Variants in FRMPD1 observed in about 807,000 individuals in gnomAD.
FRMPD1 encodes the protein FERM and PDZ domain-containing protein 1.
A neutral mutation model predicts 117.8 loss-of-function variants in FRMPD1; 76 were observed. That is an observed-to-expected ratio of 0.65 (90% confidence interval 0.54 to 0.78). The LOEUF is 0.78. Ranked by LOEUF, FRMPD1 falls within the 30% of genes least tolerant of loss-of-function variation. The pLI is 0.00. For synonymous variants in FRMPD1, 783 were observed against 770.4 expected (o/e 1.02, Z -0.27); for missense variants, 1,786 against 1,964.5 (o/e 0.91, Z 1.72).
rs761226834 is a variant in FRMPD1, at chr9:37,711,409, T to C, written c.408+14T>C. The C allele has an allele frequency of 1.3e-6, 2 of 1,583,972 alleles. No homozygotes were observed. The highest frequency in any genetic ancestry group is 1.1e-5 in the South Asian group (1 of 90,468). On this transcript the variant is annotated intron_variant, in intron 5 of 15. Coordinates refer to ENST00000377765, the MANE Select transcript of FRMPD1 (RefSeq NM_014907.3). ...CGCTGCACGTCGGTAAATCTCTTTC[T>C]ATGTCCTGTGTGTTAGTTTCACCAT...
At chr9:37,617,735 T>G in the FRMPD1 span, among the ~76,000 whole-genome samples, 1 of 152,206 alleles carries the variant, frequency 6.6e-6, no homozygotes, top group African/African-American at 2.4e-5. Flanking sequence ...TCCCTACTGA[T>G]GTAATTATCA....
chr9:37,708,033 G>T (rs577630021), intron 3 of FRMPD1, among the ~76,000 whole-genome samples: 1 of 152,350 alleles, frequency 6.6e-6, no homozygotes, highest in Admixed American at 6.5e-5. Flanking sequence ...TAATTGAGGT[G>T]TGTTAATCTG....
the FRMPD1 span, among the ~76,000 whole-genome samples, chr9:37,637,955 T>C: frequency 8.0e-6 from 1 of 124,470 alleles, no homozygotes; most frequent in Admixed American, 8.4e-5. Flanking sequence ...CAAAGGAAAA[T>C]GGTGTATGCT....
the FRMPD1 span, among the ~76,000 whole-genome samples, chr9:37,607,186 G>A: frequency 6.6e-6 from 1 of 151,992 alleles, no homozygotes; most frequent in South Asian, 2.1e-4. Context: ...ATGGTGGCTC[G>A]TGCCTGTAAT....
At chr9:37,712,604 C>T (rs965826568) in intron 5 of FRMPD1, among the ~76,000 whole-genome samples, 5 of 152,198 alleles carry the variant, frequency 3.3e-5, no homozygotes, top group Non-Finnish European at 7.4e-5. Context: ...GATCCACCTG[C>T]CTCGGCTTCC....
At chr9:37,736,254 G>A (rs891478983) in intron 13 of FRMPD1, among the ~76,000 whole-genome samples, 4 of 151,824 alleles carry the variant, frequency 2.6e-5, no homozygotes, top group Non-Finnish European at 2.9e-5. Flanking sequence ...ACCCGCCTTG[G>A]CCTCCCAAAG....
rs534756323 is a variant in FRMPD1, at chr9:37,694,286, A to G, written c.101+1544A>G. On this transcript the variant is annotated intron_variant, in intron 2 of 15. Transcript: ENST00000377765. Reference sequence around the variant, plus strand: ...GCCTTCCCCGACTTGGTGATTTATTATACACATTATGCATGTAATACAGAT... The same window carrying G: ...GCCTTCCCCGACTTGGTGATTTATTGTACACATTATGCATGTAATACAGAT... Among the ~76,000 whole-genome samples the G allele has an allele frequency of 6.6e-5, 10 of 152,326 alleles. No individual in the cohort carries two copies. The South Asian group carries it at 2.1e-3, about 32-fold the overall frequency.
At chr9:37,665,787 C>T (rs555047619) in intron 1 of FRMPD1, among the ~76,000 whole-genome samples, 29 of 152,244 alleles carry the variant, frequency 1.9e-4, no homozygotes, top group African/African-American at 6.0e-4. Flanking sequence ...TCTTTGGCAA[C>T]GTTGGGGTGG....
At chr9:37,705,546 C>G (rs1447856943) in intron 2 of FRMPD1, among the ~76,000 whole-genome samples, 5 of 152,208 alleles carry the variant, frequency 3.3e-5, no homozygotes, top group Non-Finnish European at 7.3e-5. Flanking sequence ...ATTAGCTAGC[C>G]TCAGCTTCCC....
At chr9:37,654,811 C>A (rs1415299896) in intron 1 of FRMPD1, among the ~76,000 whole-genome samples, 1 of 152,184 alleles carries the variant, frequency 6.6e-6, no homozygotes, top group African/African-American at 2.4e-5. Context: ...AGGCTCTCTG[C>A]CCCTTCAATA....
At chr9:37,710,322 A>G (rs1427282123) in intron 4 of FRMPD1, among the ~76,000 whole-genome samples, 3 of 152,208 alleles carry the variant, frequency 2.0e-5, no homozygotes, top group Non-Finnish European at 2.9e-5. Flanking sequence ...AAGAAGTCAA[A>G]TGAAATTATT....
At chr9:37,680,223 G>A (rs930348830) in intron 1 of FRMPD1, among the ~76,000 whole-genome samples, 4 of 152,288 alleles carry the variant, frequency 2.6e-5, no homozygotes, top group Non-Finnish European at 5.9e-5. Context: ...CTTTCTAAGA[G>A]ATGTCTAATC....
At chr9:37,639,134 A>G in the FRMPD1 span, among the ~76,000 whole-genome samples, 3 of 152,240 alleles carry the variant, frequency 2.0e-5, no homozygotes, top group Non-Finnish European at 2.9e-5. Flanking sequence ...TAACCACGGT[A>G]AGTTACTAAT....
In FRMPD1 at chr9:37,746,595, G is replaced by A. The variant is rs755313241; in HGVS notation, c.4563G>A (p.Ala1521=). The change falls in exon 16 of 16, where the codon GCG becomes GCA. Residue 1521 remains alanine, a synonymous_variant. Coordinates refer to ENST00000377765, the MANE Select transcript of FRMPD1 (RefSeq NM_014907.3). Reference sequence around the variant, plus strand: ...GCTCCGCCCGGCACAGGGAGGCAGCGGGGAACCTGAGGGATGTGGTGTACA... The same window carrying A: ...GCTCCGCCCGGCACAGGGAGGCAGCAGGGAACCTGAGGGATGTGGTGTACA... ...SRCSARHREA[A]GNLRDVVYTY... 143 of 1,613,902 alleles carry A rather than the reference G, an allele frequency of 8.9e-5. No individual in the cohort carries two copies. The highest frequency in any genetic ancestry group is 1.2e-4 in the Non-Finnish European group (136 of 1,180,012).
At chr9:37,672,221 A>G (rs541451329) in intron 1 of FRMPD1, among the ~76,000 whole-genome samples, 22 of 151,804 alleles carry the variant, frequency 1.4e-4, no homozygotes, top group African/African-American at 4.9e-4. Context: ...ATCTCAATAA[A>G]CCTATTTAAA....
the FRMPD1 span, among the ~76,000 whole-genome samples, chr9:37,617,716 T>G: frequency 6.6e-6 from 1 of 152,198 alleles, no homozygotes; most frequent in Non-Finnish European, 1.5e-5. Context: ...TCTTAACCAT[T>G]TTTAAAGATC....
chr9:37,639,384 G>C, the FRMPD1 span, among the ~76,000 whole-genome samples: 1 of 152,182 alleles, frequency 6.6e-6, no homozygotes, highest in African/African-American at 2.4e-5. Context: ...TGTTTCCCTT[G>C]AAAAATTAAA....
chr9:37,611,227 A>G, the FRMPD1 span, among the ~76,000 whole-genome samples: 11 of 152,334 alleles, frequency 7.2e-5, no homozygotes, highest in African/African-American at 2.6e-4. Flanking sequence ...ACCAATTTGC[A>G]TTCTCATCAG....
chr9:37,742,965 T>C (rs996383417), intron 15 of FRMPD1, among the ~76,000 whole-genome samples: 2 of 152,322 alleles, frequency 1.3e-5, no homozygotes, highest in South Asian at 4.1e-4. Flanking sequence ...AGATTCTGAC[T>C]CCTCAGAGAT....
Sources: gnomAD v4.1 joint callset for allele counts (sites outside exome capture counted in the v4.1 genomes callset) on GRCh38, gnomAD v4.1.1 for gene constraint, MANE v1.5 for transcripts, NCBI Gene and HGNC (gene_info 2026-07-23, HGNC 2026-07-21) for gene names.